Variants in PTK2B observed in about 807,000 individuals in gnomAD.
PTK2B encodes the protein protein tyrosine kinase 2 beta, also known as protein-tyrosine kinase 2-beta.
In PTK2B, 71 loss-of-function variants were observed where a neutral mutation model predicts 142.9. The ratio of observed to expected loss-of-function variants is 0.50; its 90% CI spans 0.41 to 0.61. PTK2B has a LOEUF of 0.61. Among genes scored for constraint, PTK2B ranks in the 20% least tolerant of loss-of-function variants. The pLI is 0.00. For synonymous variants in PTK2B, 519 were observed against 503.4 expected (o/e 1.03, Z -0.42); for missense variants, 1,105 against 1,320.4 (o/e 0.84, Z 2.53).
At chr8:27,453,064 G>T in intron 27 of PTK2B, 50 bp from the exon 28 acceptor site, 37 of 1,604,736 alleles carry the variant, frequency 2.3e-5, no homozygotes, top group Non-Finnish European at 3.1e-5. Flanking sequence ...ACGAAGGGAA[G>T]GGTTGGAGTG....
At position 27,458,879 on chromosome 8, in the gene PTK2B, G is replaced by A. The variant is rs1812322885; in HGVS notation, c.*370G>A. 2 of 378,984 alleles carry A rather than the reference G, an allele frequency of 5.3e-6. No homozygotes were observed. The highest frequency in any genetic ancestry group is 4.3e-5 in the Admixed American group (1 of 23,108). The allele number at this position is 378,984 out of a possible 1,614,324, so 23.5% of individuals were successfully genotyped here. A position where few individuals can be genotyped will look rare whatever the true frequency, so the allele number is the denominator to read the frequency against. ...CATGGCAGGCCGATTTGGGAACCAA[G>A]CTATTCCTTTCCCTTCCTCTTCGGC... On this transcript the variant is annotated 3_prime_UTR_variant, in exon 31 of 31. Transcript: ENST00000346049.
chr8:27,422,442 A>G (rs1215452713), intron 5 of PTK2B, 59 bp downstream of exon 5: 7 of 1,408,700 alleles, frequency 5.0e-6, no homozygotes, highest in Non-Finnish European at 5.7e-6. Context: ...GGCAGGCCCG[A>G]CCTTTCCCCA....
chr8:27,457,682 C>A (rs939587941), intron 30 of PTK2B, among the ~76,000 whole-genome samples: 1 of 152,106 alleles, frequency 6.6e-6, no homozygotes, highest in Non-Finnish European at 1.5e-5. Context: ...GGGTTCAAGC[C>A]TTCAGTGGAT....
At chr8:27,359,412 G>C (rs1805571680) in intron 1 of PTK2B, among the ~76,000 whole-genome samples, 1 of 152,124 alleles carries the variant, frequency 6.6e-6, no homozygotes, top group South Asian at 2.1e-4. Flanking sequence ...CACTGCACCT[G>C]GCCTTGCAAA....
Position 27,437,778 on chromosome 8 carries a change from T to G in PTK2B, c.1541T>G (p.Leu514Arg). The G allele has an allele frequency of 6.2e-7, 1 of 1,611,852 alleles. No individual in the cohort carries two copies. The highest frequency in any genetic ancestry group is 8.5e-7 in the Non-Finnish European group (1 of 1,179,278). ...CCATTCCTGCAGCTGGGCCACTACC[T>G]GGAGCGGAACAAGAACTCCCTGAAG... ...LYPYGELGHYLERNKNSLKVL... is the reference protein window; with the variant it reads ...LYPYGELGHYRERNKNSLKVL... Residue 514 changes from leucine to arginine, a missense_variant, in exon 18 of 31, where the codon CTG becomes CGG. Physicochemically the swap from Leu to Arg is moderately radical, Grantham distance 102. Transcript: ENST00000346049.
intron 1 of PTK2B, among the ~76,000 whole-genome samples, chr8:27,369,165 C>G (rs1268704113): frequency 6.6e-6 from 1 of 152,170 alleles, no homozygotes; most frequent in Admixed American, 6.5e-5. Flanking sequence ...GTTTTCCAAC[C>G]TCCACTTCCC....
At chr8:27,331,792 G>A (rs1803767604) in intron 1 of PTK2B, among the ~76,000 whole-genome samples, 2 of 152,156 alleles carry the variant, frequency 1.3e-5, no homozygotes, top group African/African-American at 4.8e-5. Flanking sequence ...CTAAATTAAT[G>A]TACTGATTTA....
chr8:27,424,935 G>A (rs1308624136), intron 5 of PTK2B, among the ~76,000 whole-genome samples: 27 of 152,056 alleles, frequency 1.8e-4, no homozygotes, highest in Non-Finnish European at 2.9e-5. Context: ...TGAGATATGA[G>A]ATTAGTGAAA....
intron 3 of PTK2B, among the ~76,000 whole-genome samples, chr8:27,314,283 C>G (rs1252453245): frequency 1.3e-5 from 2 of 152,242 alleles, no homozygotes; most frequent in African/African-American, 2.4e-5. Context: ...AAACTATGAT[C>G]AGGCCAGGCA....
At chr8:27,411,983 G>T (rs898640101) in intron 2 of PTK2B, among the ~76,000 whole-genome samples, 2 of 152,190 alleles carry the variant, frequency 1.3e-5, no homozygotes, top group African/African-American at 4.8e-5. Context: ...TCATATAAAT[G>T]AGAGCCAGCC....
At chr8:27,379,830 T>G (rs1487201421) in intron 1 of PTK2B, among the ~76,000 whole-genome samples, 3 of 152,160 alleles carry the variant, frequency 2.0e-5, no homozygotes, top group Non-Finnish European at 4.4e-5. Context: ...AACCTCTGCC[T>G]CCTGGGCTCA....
At chr8:27,333,038 G>A (rs887263221) in intron 1 of PTK2B, among the ~76,000 whole-genome samples, 2 of 152,242 alleles carry the variant, frequency 1.3e-5, no homozygotes, top group Non-Finnish European at 2.9e-5. Context: ...AGATTGCAGG[G>A]CAGAGATTCC....
intron 2 of PTK2B, among the ~76,000 whole-genome samples, chr8:27,400,191 A>G (rs1256027101): frequency 6.6e-6 from 1 of 152,224 alleles, no homozygotes; most frequent in African/African-American, 2.4e-5. Flanking sequence ...CGGGAAGGGA[A>G]TGTGTGGTCA....
chr8:27,443,229 G>A (rs1811268286), intron 22 of PTK2B, among the ~76,000 whole-genome samples: 1 of 152,216 alleles, frequency 6.6e-6, no homozygotes, highest in Non-Finnish European at 1.5e-5. Context: ...CTGAGGGGCT[G>A]GGCTTCTCTT....
chr8:27,327,053 G>T (rs1045287700), intron 1 of PTK2B, among the ~76,000 whole-genome samples: 1 of 152,156 alleles, frequency 6.6e-6, no homozygotes, highest in African/African-American at 2.4e-5. Flanking sequence ...ACTCCAAATT[G>T]AGAGCTGAAG....
At chr8:27,321,952 G>A (rs1298132271), upstream of PTK2B, among the ~76,000 whole-genome samples, 1 of 151,956 alleles carries the variant, frequency 6.6e-6, no homozygotes, top group Admixed American at 6.6e-5. Context: ...CCTTGGTGAT[G>A]AAGTACTTTT....
At chr8:27,410,779 C>T (rs1809010292) in intron 2 of PTK2B, among the ~76,000 whole-genome samples, 1 of 152,196 alleles carries the variant, frequency 6.6e-6, no homozygotes, top group Non-Finnish European at 1.5e-5. Flanking sequence ...CCATCCGGTC[C>T]TGTTGCTTCT....
At chr8:27,396,399 CTCT>C (rs1808053588) in intron 1 of PTK2B, 1 of 152,218 alleles carries the variant, frequency 6.6e-6, no homozygotes, top group South Asian at 2.1e-4. Flanking sequence ...AAATCACAGT[CTCT>C]TCTTAGAAAG....
intron 1 of PTK2B, among the ~76,000 whole-genome samples, chr8:27,357,476 T>C (rs903928734): frequency 6.6e-6 from 1 of 152,238 alleles, no homozygotes; most frequent in African/African-American, 2.4e-5. Context: ...ATTCATTTTC[T>C]TGCAAATCTC....
Sources: gnomAD v4.1 joint callset for allele counts (sites outside exome capture counted in the v4.1 genomes callset) on GRCh38, gnomAD v4.1.1 for gene constraint, MANE v1.5 for transcripts, NCBI Gene and HGNC (gene_info 2026-07-23, HGNC 2026-07-21) for gene names.